The following CNTN6 variants were observed in gnomAD, a reference collection of about 807,000 sequenced individuals.
The protein encoded by CNTN6 is contactin 6.
A neutral mutation model predicts 122.8 loss-of-function variants in CNTN6; 137 were observed. The ratio of observed to expected loss-of-function variants is 1.12; its 90% CI spans 0.97 to 1.29. CNTN6 has a LOEUF of 1.29. Ranked by LOEUF, CNTN6 falls within the 50% of genes most tolerant of loss-of-function variation. The pLI is 0.00. For missense variants in CNTN6, 1,634 were observed against 1,223.4 expected (o/e 1.34, Z -5.01); for synonymous variants, 570 against 426.0 (o/e 1.34, Z -4.16).
At chr3:1,201,860 G>A (rs543299476) in intron 2 of CNTN6, among the ~76,000 whole-genome samples, 29 of 151,762 alleles carry the variant, frequency 1.9e-4, no homozygotes, top group African/African-American at 6.0e-4. Context: ...ATTGTTAACC[G>A]AATAACAGCA....
chr3:1,373,825 A>C lies in CNTN6; in HGVS notation c.1945+63A>C, dbSNP rs1196763337. On this transcript the variant is annotated intron_variant, in intron 15 of 22. Coordinates refer to ENST00000446702, the MANE Select transcript of CNTN6 (RefSeq NM_001289080.2). ...ATATTTTAGTCCAATAATTTTAATA[A>C]ATGCAATTACATTTTAAATTAATAA... 7 of 1,485,048 alleles carry C rather than the reference A, an allele frequency of 4.7e-6. No homozygotes were observed. The African/African-American group carries it at 1.0e-4, about 21-fold the overall frequency. 92.0% of individuals were successfully genotyped at this position (1,485,048 alleles called of 1,614,324 possible). A position where few individuals can be genotyped will look rare whatever the true frequency, so the allele number is the denominator to read the frequency against.
chr3:1,188,646 T>C (rs1398496974), intron 2 of CNTN6, among the ~76,000 whole-genome samples: 1 of 152,166 alleles, frequency 6.6e-6, no homozygotes, highest in Non-Finnish European at 1.5e-5. Flanking sequence ...GAAAAATAAT[T>C]AACACTGTAA....
At position 1,290,951 on chromosome 3, in the gene CNTN6, TG is replaced by T. The variant is rs1327994085; in HGVS notation, c.455-4649del. Reference sequence around the variant, plus strand: ...CTTGTGCTGACCTCCTATCTCATCCTGTGACTTAAAATGCCTTAACTTTCTG... The same window carrying T: ...CTTGTGCTGACCTCCTATCTCATCCTTGACTTAAAATGCCTTAACTTTCTG... On this transcript the variant is annotated intron_variant, in intron 5 of 22. Transcript: ENST00000446702. Among the ~76,000 whole-genome samples the T allele has an allele frequency of 1.6e-4, 24 of 152,326 alleles. 1 individual carries two copies. The East Asian group carries it at 3.9e-3, about 25-fold the overall frequency.
chr3:1,140,489 TCA>T (rs2092584099), intron 1 of CNTN6, among the ~76,000 whole-genome samples: 1 of 152,210 alleles, frequency 6.6e-6, no homozygotes, highest in Non-Finnish European at 1.5e-5. Context: ...CCTCTAGGCC[TCA>T]GTTTCCTCAG....
At chr3:1,118,320 G>C (rs2091811564) in intron 1 of CNTN6, among the ~76,000 whole-genome samples, 1 of 152,162 alleles carries the variant, frequency 6.6e-6, no homozygotes, top group African/African-American at 2.4e-5. Flanking sequence ...ATGACTCACA[G>C]CTTTCTAACC....
chr3:1,196,006 T>C (rs933614761), intron 2 of CNTN6, among the ~76,000 whole-genome samples: 6 of 152,150 alleles, frequency 3.9e-5, no homozygotes, highest in Admixed American at 2.6e-4. Context: ...GTCTTTGTCA[T>C]AAAGCAAAAA....
chr3:1,364,652 A>G (rs547093790), intron 12 of CNTN6, among the ~76,000 whole-genome samples: 64 of 152,028 alleles, frequency 4.2e-4, no homozygotes, highest in Non-Finnish European at 8.0e-4. Flanking sequence ...TGATATAGAG[A>G]AGCAGTCCCA....
At chr3:1,174,503 G>C (rs902770058) in intron 2 of CNTN6, among the ~76,000 whole-genome samples, 1 of 152,112 alleles carries the variant, frequency 6.6e-6, no homozygotes, top group Non-Finnish European at 1.5e-5. Context: ...ATCTTCTGTC[G>C]TAAATATGAC....
intron 7 of CNTN6, among the ~76,000 whole-genome samples, chr3:1,308,941 G>A (rs935543821): frequency 2.6e-5 from 4 of 152,130 alleles, no homozygotes; most frequent in Middle Eastern, 6.8e-3. Context: ...TCTTTAGTAA[G>A]ACGTCTGCTT....
intron 7 of CNTN6, among the ~76,000 whole-genome samples, chr3:1,317,708 A>T (rs933938076): frequency 1.2e-4 from 18 of 151,576 alleles, no homozygotes; most frequent in African/African-American, 4.1e-4. Flanking sequence ...AACTGAATCT[A>T]ATTGTCTCTG....
chr3:1,110,788 A>C (rs1031470695), intron 1 of CNTN6, among the ~76,000 whole-genome samples: 11 of 152,180 alleles, frequency 7.2e-5, no homozygotes, highest in Non-Finnish European at 1.5e-4. Flanking sequence ...TCCTGATTCA[A>C]ATCTACATCT....
At chr3:1,361,378 A>G (rs1457526953) in intron 12 of CNTN6, among the ~76,000 whole-genome samples, 1 of 152,122 alleles carries the variant, frequency 6.6e-6, no homozygotes, top group Non-Finnish European at 1.5e-5. Flanking sequence ...AAATCTTCTA[A>G]TGGTTCTTCA....
chr3:1,340,762 C>T (rs1703768419), intron 11 of CNTN6, among the ~76,000 whole-genome samples: 1 of 152,110 alleles, frequency 6.6e-6, no homozygotes. Context: ...CACTAGCATC[C>T]ATCACTTTCA....
At chr3:1,331,751 A>G (rs1259605263) in intron 11 of CNTN6, among the ~76,000 whole-genome samples, 1 of 151,816 alleles carries the variant, frequency 6.6e-6, no homozygotes, top group Non-Finnish European at 1.5e-5. Flanking sequence ...ACCTTCCACA[A>G]GCTTTAAAGG....
At chr3:1,284,555 T>C (rs1694026768) in intron 5 of CNTN6, among the ~76,000 whole-genome samples, 1 of 152,184 alleles carries the variant, frequency 6.6e-6, no homozygotes, top group Admixed American at 6.5e-5. Context: ...ATATTTATTA[T>C]GTAGTTACTA....
intron 2 of CNTN6, among the ~76,000 whole-genome samples, chr3:1,207,855 C>T (rs1426755297): frequency 6.6e-6 from 1 of 152,042 alleles, no homozygotes; most frequent in African/African-American, 2.4e-5. Flanking sequence ...CACTGCTCCT[C>T]ATCTTTCTCT....
intron 4 of CNTN6, among the ~76,000 whole-genome samples, chr3:1,239,373 C>G (rs2094456152): frequency 6.6e-6 from 1 of 152,168 alleles, no homozygotes; most frequent in Admixed American, 6.5e-5. Flanking sequence ...TGCCTACCAA[C>G]AGTGACCAAG....
intron 2 of CNTN6, among the ~76,000 whole-genome samples, chr3:1,189,973 T>A (rs987109): frequency 6.6e-6 from 1 of 152,010 alleles, no homozygotes; most frequent in East Asian, 1.9e-4. Context: ...GTCAGCTCAG[T>A]CTGCCATAAC....
At chr3:1,166,908 G>A (rs1179753285) in intron 2 of CNTN6, among the ~76,000 whole-genome samples, 3 of 152,034 alleles carry the variant, frequency 2.0e-5, no homozygotes, top group Non-Finnish European at 4.4e-5. Flanking sequence ...AGGGGAGGGA[G>A]AGCACTAGGA....
Sources: allele counts gnomAD v4.1 joint callset (sites outside exome capture counted in the v4.1 genomes callset), GRCh38; gene constraint gnomAD v4.1.1; transcripts MANE v1.5; gene names NCBI Gene and HGNC (gene_info 2026-07-23, HGNC 2026-07-21).